The following HMBOX1 variants were observed in gnomAD, a reference collection of about 807,000 sequenced individuals.
HMBOX1 encodes the protein homeobox-containing protein 1.
Under a neutral mutation model 54.5 loss-of-function variants are expected in HMBOX1, and 14 were observed. That is an observed-to-expected ratio of 0.26 (90% CI 0.17 to 0.40). HMBOX1 has a LOEUF of 0.40. Ranked by LOEUF, HMBOX1 falls within the 10% of genes least tolerant of loss-of-function variation. HMBOX1 has a pLI of 1.00. For synonymous variants in HMBOX1, 160 were observed against 181.0 expected, an observed-to-expected ratio of 0.88 and a Z score of 0.93; for missense variants, 332 against 514.4, an observed-to-expected ratio of 0.65 and a Z score of 3.43.
chr8:28,944,464 G>C (rs1056813891), intron 1 of HMBOX1, among the ~76,000 whole-genome samples: 4 of 152,190 alleles, frequency 2.6e-5, no homozygotes, highest in African/African-American at 9.7e-5. Context: ...ACCAAGAAAA[G>C]TTTTTCTGTC....
intron 1 of HMBOX1, among the ~76,000 whole-genome samples, chr8:28,925,131 G>A (rs1818227285): frequency 6.6e-6 from 1 of 151,984 alleles, no homozygotes; most frequent in South Asian, 2.1e-4. Flanking sequence ...AAAATTAAAA[G>A]AATAATATTA....
intron 6 of HMBOX1, among the ~76,000 whole-genome samples, chr8:29,032,618 C>T (rs987089896): frequency 1.3e-5 from 2 of 152,124 alleles, no homozygotes; most frequent in Non-Finnish European, 2.9e-5. Context: ...AATTATTTCA[C>T]CATCTGCTAA....
At chr8:28,972,566 T>C (rs1375174569) in intron 3 of HMBOX1, among the ~76,000 whole-genome samples, 2 of 152,334 alleles carry the variant, frequency 1.3e-5, no homozygotes, top group East Asian at 3.9e-4. Flanking sequence ...AGCTTTTAAT[T>C]ATTCTAAGTA....
intron 1 of HMBOX1, among the ~76,000 whole-genome samples, chr8:28,939,628 G>A (rs1820998697): frequency 6.6e-6 from 1 of 151,922 alleles, no homozygotes; most frequent in South Asian, 2.1e-4. Flanking sequence ...TCCTGCCTCA[G>A]CCTCCCGATT....
chr8:29,002,466 A>T (rs1489473359), intron 4 of HMBOX1, among the ~76,000 whole-genome samples: 4 of 152,208 alleles, frequency 2.6e-5, no homozygotes, highest in Non-Finnish European at 5.9e-5. Context: ...CAAAGGTAGT[A>T]AGACCAGAAG....
rs570525858 is a variant in HMBOX1, at chr8:28,995,575, A to C, written c.587-13497A>C. 7.9e-5 allele frequency among the ~76,000 whole-genome samples: 12 copies of C among 152,258 alleles called. No individual in the cohort carries two copies. In the East Asian group the frequency reaches 2.3e-3, roughly 29 times the overall value. On this transcript the variant is annotated intron_variant, in intron 4 of 9. Transcript: ENST00000287701. ...GTTTAATGTTTTGAGGAACTGCCAA[A>C]ACTGTTTTCCATTTTATAAAACTAC... is the stretch of plus-strand genomic sequence containing the variant.
intron 6 of HMBOX1, among the ~76,000 whole-genome samples, chr8:29,044,202 T>A (rs2133346137): frequency 6.6e-6 from 1 of 152,272 alleles, no homozygotes; most frequent in East Asian, 1.9e-4. Context: ...CACAATAGGA[T>A]GGCATTTCCA....
chr8:28,959,061 A>C (rs1825000175), intron 1 of HMBOX1, among the ~76,000 whole-genome samples: 2 of 152,182 alleles, frequency 1.3e-5, no homozygotes, highest in South Asian at 4.1e-4. Context: ...TATACTATGC[A>C]CAGATTTCAT....
chr8:28,967,751 G>A (rs1826679486), intron 2 of HMBOX1, among the ~76,000 whole-genome samples: 1 of 152,074 alleles, frequency 6.6e-6, no homozygotes, highest in Admixed American at 6.5e-5. Flanking sequence ...AAAATATTGT[G>A]GGGGAACTTA....
At chr8:28,948,668 A>G (rs1458446431) in intron 1 of HMBOX1, among the ~76,000 whole-genome samples, 1 of 152,180 alleles carries the variant, frequency 6.6e-6, no homozygotes, top group African/African-American at 2.4e-5. Flanking sequence ...TAGTGTAAGC[A>G]CTAACCTGGG....
At chr8:28,930,999 A>G (rs1164329707) in intron 1 of HMBOX1, among the ~76,000 whole-genome samples, 1 of 152,178 alleles carries the variant, frequency 6.6e-6, no homozygotes, top group Non-Finnish European at 1.5e-5. Flanking sequence ...CATGGTACTG[A>G]GAGAGTCATC....
intron 1 of HMBOX1, among the ~76,000 whole-genome samples, chr8:28,958,949 C>T (rs973422003): frequency 6.6e-6 from 1 of 152,054 alleles, no homozygotes; most frequent in Admixed American, 6.6e-5. Context: ...TGCATTTCTG[C>T]GTAAATTATA....
At chr8:28,924,331 G>C (rs561490293) in intron 1 of HMBOX1, among the ~76,000 whole-genome samples, 6 of 151,834 alleles carry the variant, frequency 4.0e-5, no homozygotes, top group Admixed American at 2.0e-4. Context: ...GGATGGTCTC[G>C]ATCTCCTGAC....
intron 2 of HMBOX1, among the ~76,000 whole-genome samples, chr8:28,968,594 A>T (rs1359264525): frequency 6.6e-6 from 1 of 152,206 alleles, no homozygotes; most frequent in Non-Finnish European, 1.5e-5. Flanking sequence ...AGATTATGTT[A>T]TGTGAAATTC....
intron 4 of HMBOX1, among the ~76,000 whole-genome samples, chr8:29,000,821 A>G (rs1004069328): frequency 1.3e-5 from 2 of 152,258 alleles, no homozygotes; most frequent in African/African-American, 2.4e-5. Flanking sequence ...TAAGTCTGCT[A>G]TAATGATAGT....
intron 4 of HMBOX1, among the ~76,000 whole-genome samples, chr8:28,993,596 T>G (rs539367793): frequency 1.5e-4 from 23 of 152,328 alleles, no homozygotes; most frequent in African/African-American, 5.3e-4. Flanking sequence ...AAGGTATGGA[T>G]GGAAGATGAC....
At chr8:28,932,574 A>G in intron 1 of HMBOX1, among the ~76,000 whole-genome samples, 1 of 152,178 alleles carries the variant, frequency 6.6e-6, no homozygotes, top group East Asian at 1.9e-4. Flanking sequence ...AATCTTCCAT[A>G]TGTTTTCCCC....
chr8:29,047,564 CTTTTTTTTTT>C (rs33978272), intron 8 of HMBOX1, 111 bp downstream of exon 8: 10 of 308,384 alleles, frequency 3.2e-5, no homozygotes, highest in South Asian at 1.0e-4. Flanking sequence ...CCTAACTTCT[CTTTTTTTTTT>C]TTTTTTTTTT....
Position 29,010,383 on chromosome 8 carries a change from C to T in HMBOX1, c.697+1201C>T, listed in dbSNP as rs560222115. Among the ~76,000 whole-genome samples the T allele has an allele frequency of 1.2e-4, 18 of 152,166 alleles. No individual in the cohort carries two copies. In the South Asian group the frequency reaches 3.7e-3, roughly 32 times the overall value. On this transcript the variant is annotated intron_variant, in intron 5 of 9. Coordinates refer to ENST00000287701, the MANE Select transcript of HMBOX1 (RefSeq NM_001135726.3). ...ACCAGCCTGGCCAACATGGTGAAAC[C>T]CTGTCTCTACTAAAAATACAAAAAT...
Sources: gnomAD v4.1 joint callset for allele counts (sites outside exome capture counted in the v4.1 genomes callset) on GRCh38, gnomAD v4.1.1 for gene constraint, MANE v1.5 for transcripts, NCBI Gene and HGNC (gene_info 2026-07-23, HGNC 2026-07-21) for gene names.